ZMIZ1: variants seen among roughly 807,000 people sequenced by gnomAD.
ZMIZ1 encodes zinc finger MIZ-type containing 1.
In ZMIZ1, 17 loss-of-function variants were observed where a neutral mutation model predicts 113.9. The ratio of observed to expected loss-of-function variants is 0.15; its 90% CI spans 0.10 to 0.22. The LOEUF (loss-of-function observed/expected upper bound fraction) is 0.22, where lower values mean the gene tolerates loss of function less well. Ranked by LOEUF, ZMIZ1 falls within the 10% of genes least tolerant of loss-of-function variation. ZMIZ1 has a pLI of 1.00. For synonymous variants in ZMIZ1, 607 were observed against 603.1 expected (o/e 1.01, Z -0.09); for missense variants, 1,059 against 1,477.8 (o/e 0.72, Z 4.65).
intron 1 of ZMIZ1, among the ~76,000 whole-genome samples, chr10:79,100,762 T>A (rs1409344009): frequency 3.9e-5 from 6 of 152,020 alleles, no homozygotes. Flanking sequence ...GCTGCAGATA[T>A]CATGTGGCTG....
intron 7 of ZMIZ1, among the ~76,000 whole-genome samples, chr10:79,259,657 C>G (rs2131896940): frequency 6.6e-6 from 1 of 151,390 alleles, no homozygotes; most frequent in African/African-American, 2.4e-5. Flanking sequence ...ACTCAGTTGC[C>G]CAGGCTGGAG....
chr10:79,080,300 CTTT>C (rs10592440), intron 1 of ZMIZ1, among the ~76,000 whole-genome samples: 212 of 85,010 alleles, frequency 2.5e-3, no homozygotes, highest in African/African-American at 8.2e-3. Flanking sequence ...TCGGGTGTGA[CTTT>C]TTTTTTTTTT....
chr10:79,210,107 A>C (rs1483255202), intron 6 of ZMIZ1, among the ~76,000 whole-genome samples: 1 of 152,196 alleles, frequency 6.6e-6, no homozygotes, highest in Non-Finnish European at 1.5e-5. Context: ...AGGCTAAGCC[A>C]TGTGGGCAGG....
chr10:79,071,897 G>A (rs940684081), intron 1 of ZMIZ1, among the ~76,000 whole-genome samples: 11 of 129,130 alleles, frequency 8.5e-5, no homozygotes, highest in Non-Finnish European at 1.6e-4. Flanking sequence ...AAATCACGAG[G>A]TTTTGAAACG....
chr10:79,116,622 G>C (rs535830816), intron 1 of ZMIZ1, among the ~76,000 whole-genome samples: 1 of 152,132 alleles, frequency 6.6e-6, no homozygotes, highest in African/African-American at 2.4e-5. Flanking sequence ...TGGCCAGGGC[G>C]GGGCTGACCT....
At chr10:79,117,577 C>T (rs529850957) in intron 1 of ZMIZ1, among the ~76,000 whole-genome samples, 1 of 152,354 alleles carries the variant, frequency 6.6e-6, no homozygotes, top group South Asian at 2.1e-4. Flanking sequence ...TACGAATTGC[C>T]TTGCTACGAG....
intron 16 of ZMIZ1, among the ~76,000 whole-genome samples, chr10:79,300,523 G>A (rs1040519670): frequency 2.6e-5 from 4 of 152,154 alleles, no homozygotes; most frequent in Admixed American, 6.5e-5. Context: ...ATTGGTGTGC[G>A]GGGGTCTTGG....
At chr10:79,133,189 CT>C (rs1311369092) in intron 2 of ZMIZ1, among the ~76,000 whole-genome samples, 1 of 152,216 alleles carries the variant, frequency 6.6e-6, no homozygotes, top group Non-Finnish European at 1.5e-5. Context: ...ACCTCCCTGC[CT>C]TTTCACATGC....
chr10:79,097,916 A>G (rs755442371), intron 1 of ZMIZ1, among the ~76,000 whole-genome samples: 14 of 152,106 alleles, frequency 9.2e-5, no homozygotes, highest in African/African-American at 3.1e-4. Context: ...CTTCATTACC[A>G]GGGGCTTCTC....
chr10:79,092,128 G>T (rs902644790), intron 1 of ZMIZ1, among the ~76,000 whole-genome samples: 1 of 152,142 alleles, frequency 6.6e-6, no homozygotes, highest in Non-Finnish European at 1.5e-5. Flanking sequence ...GCTTGGTCTG[G>T]CTACTCCTGT....
chr10:79,078,570 C>CTTTTTTT (rs34178865), intron 1 of ZMIZ1, among the ~76,000 whole-genome samples: 8 of 87,808 alleles, frequency 9.1e-5, no homozygotes, highest in African/African-American at 2.4e-4. Context: ...CCACCCCCGA[C>CTTTTTTT]TTTTTTTTTT....
chr10:79,191,433 G>A (rs374966144), intron 4 of ZMIZ1, among the ~76,000 whole-genome samples: 5 of 152,030 alleles, frequency 3.3e-5, no homozygotes, highest in Non-Finnish European at 5.9e-5. Context: ...AAGGGCCCTC[G>A]GGTAACTGTT....
chr10:79,167,297 C>A (rs1203012888), intron 4 of ZMIZ1, among the ~76,000 whole-genome samples: 1 of 152,214 alleles, frequency 6.6e-6, no homozygotes, highest in African/African-American at 2.4e-5. Flanking sequence ...AGATATTTTA[C>A]ATTCTTCATC....
At chr10:79,109,358 G>A (rs1406304595) in intron 1 of ZMIZ1, among the ~76,000 whole-genome samples, 1 of 152,194 alleles carries the variant, frequency 6.6e-6, no homozygotes, top group Non-Finnish European at 1.5e-5. Flanking sequence ...ATCCTTGCGT[G>A]CAACACACAC....
intron 1 of ZMIZ1, among the ~76,000 whole-genome samples, chr10:79,104,511 C>T (rs113334178): frequency 0.027 from 4,043 of 152,300 alleles, 151 homozygotes; most frequent in African/African-American, 0.091. Context: ...CGTCACTGAG[C>T]TTGCAGGGGT....
intron 3 of ZMIZ1, among the ~76,000 whole-genome samples, chr10:79,155,803 A>G (rs554028138): frequency 6.6e-6 from 1 of 152,326 alleles, no homozygotes; most frequent in South Asian, 2.1e-4. Flanking sequence ...CTTCAGCCCA[A>G]AGCTCTTCTC....
chr10:79,279,017 G>A (rs1852503993), intron 8 of ZMIZ1, among the ~76,000 whole-genome samples: 1 of 150,704 alleles, frequency 6.6e-6, no homozygotes, highest in Admixed American at 6.6e-5. Context: ...GGGTGGCCGG[G>A]CAGAGGCGCC....
At chr10:79,243,401 G>A (rs553892475) in intron 7 of ZMIZ1, among the ~76,000 whole-genome samples, 2 of 149,394 alleles carry the variant, frequency 1.3e-5, no homozygotes, top group East Asian at 1.9e-4. Context: ...GATTGGCTTC[G>A]CCCGGGAAGC....
intron 3 of ZMIZ1, among the ~76,000 whole-genome samples, chr10:79,159,999 G>C (rs938165984): frequency 6.6e-6 from 1 of 152,256 alleles, no homozygotes; most frequent in Non-Finnish European, 1.5e-5. Flanking sequence ...GGGCTTTTCG[G>C]CTCTGGCTTC....
Sources: gnomAD v4.1 joint callset for allele counts (sites outside exome capture counted in the v4.1 genomes callset) on GRCh38, gnomAD v4.1.1 for gene constraint, MANE v1.5 for transcripts, NCBI Gene and HGNC (gene_info 2026-07-23, HGNC 2026-07-21) for gene names.